The following MANBA variants were observed in gnomAD, a reference collection of about 807,000 sequenced individuals.
MANBA encodes mannosidase beta, also known as beta-mannosidase.
MANBA carries 83 observed loss-of-function variants against 111.1 expected under a neutral mutation model. That is an observed-to-expected ratio of 0.75 (90% CI 0.63 to 0.90). The LOEUF (loss-of-function observed/expected upper bound fraction) is 0.90. MANBA is among the 40% of genes least tolerant of loss of function. MANBA has a pLI of 0.00. For missense variants in MANBA, 1,036 were observed against 1,069.0 expected (o/e 0.97, Z 0.43); for synonymous variants, 370 against 378.7 (o/e 0.98, Z 0.27).
intron 1 of MANBA, among the ~76,000 whole-genome samples, chr4:102,760,113 C>T (rs1484167446): frequency 6.6e-6 from 1 of 152,084 alleles, no homozygotes; most frequent in East Asian, 1.9e-4. Flanking sequence ...CACACACACG[C>T]CCTGAGAGGA....
chr4:102,643,575 T>C (rs899218512), intron 13 of MANBA, among the ~76,000 whole-genome samples: 3 of 152,240 alleles, frequency 2.0e-5, no homozygotes, highest in Non-Finnish European at 4.4e-5. Flanking sequence ...TTTTCCTTTT[T>C]TAAAAATTTG....
intron 1 of MANBA, chr4:102,751,608 A>G (rs1320169564): frequency 5.6e-6 from 3 of 540,248 alleles, no homozygotes; most frequent in Non-Finnish European, 1.1e-5. Flanking sequence ...GGTCAAACAC[A>G]TGGAACTGGA....
At position 102,635,877 on chromosome 4, in the gene MANBA, C is replaced by A. The variant is rs773556999; in HGVS notation, c.2145G>T (p.Ser715=). 1.9e-6 allele frequency: 3 copies of A among 1,612,086 alleles called. No individual in the cohort carries two copies. Among genetic ancestry groups the A allele is most frequent in the Non-Finnish European group, 2.5e-6 (3 of 1,178,160 alleles). Residue 715 remains serine, a synonymous_variant, in exon 15 of 17, where the codon TCG becomes TCT. Transcript: ENST00000647097. ...YGVSDLHSDY[S]MTLSVRVHTW... Reference sequence around the variant, plus strand: ...CCAAGTAACTTACACTGAGTGTCATCGAATAATCCGAGTGAAGATCTGACA... The same window carrying A: ...CCAAGTAACTTACACTGAGTGTCATAGAATAATCCGAGTGAAGATCTGACA...
At chr4:102,722,628 T>C in intron 4 of MANBA, 1 of 499,826 alleles carries the variant, frequency 2.0e-6, no homozygotes, top group Non-Finnish European at 3.6e-6. Context: ...ATATTTTTCC[T>C]TTCTTTTTCT....
At chr4:102,664,598 A>T in intron 11 of MANBA, 87 bp downstream of exon 11, 1 of 1,214,306 alleles carries the variant, frequency 8.2e-7, no homozygotes, top group Non-Finnish European at 1.2e-6. Flanking sequence ...TCAGCCTCCC[A>T]AAGTGCTGGG....
chr4:102,712,355 A>G (rs903439047), intron 5 of MANBA, among the ~76,000 whole-genome samples: 1 of 152,238 alleles, frequency 6.6e-6, no homozygotes, highest in African/African-American at 2.4e-5. Context: ...CTAATAACTC[A>G]GGAAGAAATG....
rs228614 is a variant in MANBA at position 102,657,480 on chromosome 4, G to A, written c.1704+202C>T. On this transcript the variant is annotated intron_variant, in intron 12 of 16. Transcript: ENST00000647097. ...CCACTGGGTCCCATTCAGTGCTTTC[G>A]GTGCTCCTGAAGGAACACAGTAAAA... 0.5 allele frequency among the ~76,000 whole-genome samples: 75,517 copies of A among 151,900 alleles called. 19,018 individuals carry two copies. The highest frequency in any genetic ancestry group is 0.56 in the African/African-American group (23,004 of 41,424).
At chr4:102,668,914 C>A in intron 10 of MANBA, 49 bp downstream of exon 10, 1 of 1,440,926 alleles carries the variant, frequency 6.9e-7, no homozygotes, top group Non-Finnish European at 9.7e-7. Context: ...AAAGGCAATA[C>A]TAAAACATAT....
At chr4:102,659,984 C>G (rs956119561) in intron 11 of MANBA, among the ~76,000 whole-genome samples, 4 of 152,144 alleles carry the variant, frequency 2.6e-5, no homozygotes, top group Non-Finnish European at 5.9e-5. Flanking sequence ...TGTCCCATGG[C>G]TTCCCGTCAC....
At chr4:102,746,971 C>CAA (rs575851183) in intron 1 of MANBA, among the ~76,000 whole-genome samples, 1,255 of 91,716 alleles carry the variant, frequency 0.014, 16 homozygotes, top group African/African-American at 0.045. Context: ...GACTCCATCT[C>CAA]AAAAAAAAAA....
intron 4 of MANBA, among the ~76,000 whole-genome samples, chr4:102,719,449 T>C (rs1260678816): frequency 6.6e-6 from 1 of 152,208 alleles, no homozygotes; most frequent in Non-Finnish European, 1.5e-5. Flanking sequence ...AGATTTCATA[T>C]TGTTCAAACA....
chr4:102,752,271 A>G (rs1723837380), intron 1 of MANBA: 1 of 1,245,086 alleles, frequency 8.0e-7, no homozygotes, highest in African/African-American at 1.5e-5. Context: ...GACAGGAAAT[A>G]AAGTGCTTAA....
At chr4:102,673,880 A>G in intron 8 of MANBA, 39 bp downstream of exon 8, 2 of 1,568,292 alleles carry the variant, frequency 1.3e-6, no homozygotes, top group South Asian at 1.1e-5. Flanking sequence ...CGGGACTGCT[A>G]ATTAAAAGAA....
chr4:102,698,990 T>C (rs1469754011), intron 5 of MANBA, among the ~76,000 whole-genome samples: 1 of 152,242 alleles, frequency 6.6e-6, no homozygotes, highest in East Asian at 1.9e-4. Flanking sequence ...TACCCATGAG[T>C]ATGGAATGTT....
chr4:102,706,619 A>G (rs1005048788), intron 5 of MANBA, among the ~76,000 whole-genome samples: 2 of 152,218 alleles, frequency 1.3e-5, no homozygotes, highest in Non-Finnish European at 2.9e-5. Flanking sequence ...AATAAAATGT[A>G]TGAAATCCCA....
intron 2 of MANBA, among the ~76,000 whole-genome samples, chr4:102,724,661 A>G (rs1343629879): frequency 6.6e-6 from 1 of 152,214 alleles, no homozygotes; most frequent in Non-Finnish European, 1.5e-5. Context: ...ATAAGTGAAT[A>G]TTATGCACCC....
At chr4:102,744,478 G>C (rs1479212427) in intron 1 of MANBA, among the ~76,000 whole-genome samples, 1 of 152,208 alleles carries the variant, frequency 6.6e-6, no homozygotes, top group Non-Finnish European at 1.5e-5. Context: ...ATATGTCCCT[G>C]AGGTAGGACA....
intron 2 of MANBA, among the ~76,000 whole-genome samples, chr4:102,725,498 AC>A (rs1263004420): frequency 1.3e-5 from 2 of 152,224 alleles, no homozygotes; most frequent in African/African-American, 4.8e-5. Context: ...GGGCAGTGTT[AC>A]AGGGACAGAC....
chr4:102,631,863 G>A lies in MANBA; in HGVS notation c.*194C>T, dbSNP rs1729389719. On this transcript the variant is annotated 3_prime_UTR_variant, in exon 17 of 17. Transcript: ENST00000647097. ...GACACCCCGGCACAGGCTTGTTTGA[G>A]GACATTGCCTGGGTAAACAGCCTCC... The A allele has an allele frequency of 7.7e-6, 5 of 647,172 alleles. No individual in the cohort carries two copies. The Admixed American group carries it at 9.3e-5, about 12-fold the overall frequency. 40.1% of individuals were successfully genotyped at this position (647,172 alleles called of 1,614,324 possible).
Sources: allele counts gnomAD v4.1 joint callset (sites outside exome capture counted in the v4.1 genomes callset), GRCh38; gene constraint gnomAD v4.1.1; transcripts MANE v1.5; gene names NCBI Gene and HGNC (gene_info 2026-07-23, HGNC 2026-07-21).